Variants in CEP128 observed in about 807,000 individuals in gnomAD.
The protein encoded by CEP128 is centrosomal protein 128, also known as centrosomal protein 128kDa.
A neutral mutation model predicts 156.7 loss-of-function variants in CEP128; 132 were observed. The observed-to-expected ratio is 0.84, with a 90% CI of 0.73 to 0.97. CEP128 has a LOEUF of 0.97. Among genes scored for constraint, CEP128 ranks in the 50% least tolerant of loss-of-function variants. The pLI is 0.00. For missense variants in CEP128, 1,252 were observed against 1,281.9 expected (o/e 0.98, Z 0.36); for synonymous variants, 469 against 448.9 (o/e 1.04, Z -0.57).
At chr14:80,509,955 GCT>G (rs1181714348) in intron 23 of CEP128, among the ~76,000 whole-genome samples, 1 of 151,934 alleles carries the variant, frequency 6.6e-6, no homozygotes, top group South Asian at 2.1e-4. Flanking sequence ...TTTTTTCTGG[GCT>G]CTCTATTCTG....
At chr14:80,730,739 C>T (rs976711734) in intron 19 of CEP128, among the ~76,000 whole-genome samples, 1 of 152,048 alleles carries the variant, frequency 6.6e-6, no homozygotes, top group African/African-American at 2.4e-5. Context: ...ATTTCAAAAA[C>T]AATAGAAAGG....
At chr14:80,497,649 T>A in intron 24 of CEP128, 67 bp from the exon 25 acceptor site, 1 of 992,062 alleles carries the variant, frequency 1.0e-6, no homozygotes, top group Non-Finnish European at 1.6e-6. Context: ...AAAAATTAAT[T>A]TTGCAGAAGG....
At chr14:80,486,386 C>T (rs1261724447), downstream of CEP128, among the ~76,000 whole-genome samples, 3 of 151,966 alleles carry the variant, frequency 2.0e-5, no homozygotes, top group South Asian at 2.1e-4. Flanking sequence ...ACCAAATCTA[C>T]GTCTGATTGG....
intron 4 of CEP128, among the ~76,000 whole-genome samples, chr14:80,913,013 A>T (rs1270646106): frequency 6.6e-6 from 1 of 152,190 alleles, no homozygotes; most frequent in African/African-American, 2.4e-5. Flanking sequence ...AAGGAAAGAA[A>T]AGTAGAAGAT....
chr14:80,905,555 C>A (rs1488357333), intron 5 of CEP128: 1 of 166,484 alleles, frequency 6.0e-6, no homozygotes, highest in Non-Finnish European at 1.3e-5. Flanking sequence ...ACCTGCATGC[C>A]AAGACTAAAA....
chr14:80,806,173 G>A (rs1320938557), intron 13 of CEP128, among the ~76,000 whole-genome samples: 2 of 151,990 alleles, frequency 1.3e-5, no homozygotes, highest in Non-Finnish European at 2.9e-5. Context: ...CAAATAATAG[G>A]TTCTTCAGTC....
chr14:80,640,345 C>T (rs1894356651), intron 19 of CEP128, among the ~76,000 whole-genome samples: 1 of 152,122 alleles, frequency 6.6e-6, no homozygotes, highest in Non-Finnish European at 1.5e-5. Flanking sequence ...TGGGTGAATA[C>T]TACTTCATTC....
intron 8 of CEP128, among the ~76,000 whole-genome samples, chr14:80,869,075 G>A (rs996040619): frequency 4.0e-5 from 6 of 151,642 alleles, no homozygotes; most frequent in South Asian, 2.1e-4. Context: ...TCATCCAGAC[G>A]GAAAGTCTAT....
intron 8 of CEP128, among the ~76,000 whole-genome samples, chr14:80,880,895 TAA>T (rs1491338936): frequency 1.9e-4 from 27 of 141,380 alleles, no homozygotes; most frequent in East Asian, 1.5e-3. Flanking sequence ...ATAATAATAA[TAA>T]TAATAATAAT....
intron 19 of CEP128, among the ~76,000 whole-genome samples, chr14:80,734,846 CAAAAAAAAAAAAAAAA>C (rs397798792): frequency 1.6e-5 from 1 of 62,072 alleles, no homozygotes; most frequent in Non-Finnish European, 3.1e-5. Flanking sequence ...GACCCCATCT[CAAAAAAAAAAAAAAAA>C]AAAAAAAGGA....
At chr14:80,774,122 G>A (rs1339571808) in intron 16 of CEP128, among the ~76,000 whole-genome samples, 1 of 152,156 alleles carries the variant, frequency 6.6e-6, no homozygotes, top group African/African-American at 2.4e-5. Flanking sequence ...CAGTTATTCT[G>A]TGGATATTTA....
intron 8 of CEP128, among the ~76,000 whole-genome samples, chr14:80,886,547 A>C (rs954833795): frequency 2.0e-5 from 3 of 152,242 alleles, no homozygotes; most frequent in African/African-American, 7.2e-5. Context: ...TAACTGAAGG[A>C]GAAATAAAAT....
chr14:80,637,347 GA>G (rs1182710769), intron 19 of CEP128, among the ~76,000 whole-genome samples: 1 of 152,076 alleles, frequency 6.6e-6, no homozygotes, highest in Non-Finnish European at 1.5e-5. Flanking sequence ...ATGTAATCAG[GA>G]AAATCCTTAA....
chr14:80,840,333 A>G (rs1266107924), intron 10 of CEP128, among the ~76,000 whole-genome samples: 1 of 152,200 alleles, frequency 6.6e-6, no homozygotes, highest in African/African-American at 2.4e-5. Flanking sequence ...TCTGTCCACT[A>G]TAATGAAAAT....
intron 21 of CEP128, among the ~76,000 whole-genome samples, chr14:80,534,520 A>C (rs1259646046): frequency 6.6e-6 from 1 of 152,156 alleles, no homozygotes; most frequent in East Asian, 1.9e-4. Context: ...GGGCATGGAC[A>C]AGTCCCCACT....
intron 9 of CEP128, among the ~76,000 whole-genome samples, chr14:80,847,025 T>C (rs1271181033): frequency 6.6e-6 from 1 of 152,196 alleles, no homozygotes; most frequent in Admixed American, 6.5e-5. Flanking sequence ...TCTAAGTAGC[T>C]AGCTTGCTCT....
intron 19 of CEP128, among the ~76,000 whole-genome samples, chr14:80,666,582 C>CA (rs1369558066): frequency 3.3e-5 from 5 of 152,102 alleles, no homozygotes; most frequent in African/African-American, 1.2e-4. Flanking sequence ...AAAACACCAT[C>CA]ACTCATTCAT....
chr14:80,721,565 T>A (rs943006614), intron 19 of CEP128, among the ~76,000 whole-genome samples: 10 of 152,200 alleles, frequency 6.6e-5, no homozygotes, highest in African/African-American at 1.9e-4. Flanking sequence ...CATAAATACA[T>A]GTTTAAAATT....
chr14:80,900,047 C>G lies in CEP128; in HGVS notation c.481-18G>C, dbSNP rs769795513. 6.6e-7 allele frequency: 1 copy of G among 1,525,134 alleles called. No homozygotes were observed. Among genetic ancestry groups the G allele is most frequent in the South Asian group, 1.1e-5 (1 of 87,422 alleles). The allele number at this position is 1,525,134 out of a possible 1,614,324, so 94.5% of individuals were successfully genotyped here. On this transcript the variant is annotated intron_variant, in intron 6 of 24. Coordinates refer to ENST00000555265, the MANE Select transcript of CEP128 (RefSeq NM_152446.5). ...CCATGAAGCTAGCAAAGGCAAAACA[C>G]AGTTATCCATTTAGAATTCTGTTGA...
Sources: allele counts gnomAD v4.1 joint callset (sites outside exome capture counted in the v4.1 genomes callset), GRCh38; gene constraint gnomAD v4.1.1; transcripts MANE v1.5; gene names NCBI Gene and HGNC (gene_info 2026-07-23, HGNC 2026-07-21).